DOCK3: variants seen among roughly 807,000 people sequenced by gnomAD.
DOCK3 encodes dedicator of cytokinesis protein 3.
In DOCK3, 60 loss-of-function variants were observed where a neutral mutation model predicts 265.6. The ratio of observed to expected loss-of-function variants is 0.23; its 90% CI spans 0.18 to 0.28. The LOEUF (loss-of-function observed/expected upper bound fraction) is 0.28. DOCK3 is among the 10% of genes least tolerant of loss of function. The probability of loss-of-function intolerance (pLI) is 1.00; values close to 1 mark genes in which losing one functional copy is unlikely to be tolerated. For synonymous variants in DOCK3, 881 were observed against 938.0 expected, an observed-to-expected ratio of 0.94 and a Z score of 1.11; for missense variants, 1,981 against 2,594.3, an observed-to-expected ratio of 0.76 and a Z score of 5.14.
At chr3:51,127,642 G>A (rs1169331659) in intron 9 of DOCK3, among the ~76,000 whole-genome samples, 1 of 152,210 alleles carries the variant, frequency 6.6e-6, no homozygotes, top group African/African-American at 2.4e-5. Context: ...AACAAAAGAA[G>A]GAGGAAATAC....
chr3:50,920,173 C>T lies in DOCK3; in HGVS notation c.219-13808C>T, dbSNP rs542081354. 6.6e-5 allele frequency among the ~76,000 whole-genome samples: 10 copies of T among 152,280 alleles called. No homozygotes were observed. In the South Asian group the frequency reaches 1.9e-3, roughly 28 times the overall value. ...GCCAGTATTTTATTGAGGATTTTTGCATCGATTTTCATCAGGGATATTGGT... is the reference window on the plus strand; with the variant it reads ...GCCAGTATTTTATTGAGGATTTTTGTATCGATTTTCATCAGGGATATTGGT... On this transcript the variant is annotated intron_variant, in intron 4 of 52. Transcript: ENST00000266037.
intron 27 of DOCK3, among the ~76,000 whole-genome samples, chr3:51,297,108 ACT>A (rs1324348106): frequency 1.1e-3 from 98 of 93,176 alleles, no homozygotes; most frequent in African/African-American, 4.4e-3. Context: ...ATAGAGTGAG[ACT>A]CTGTCTCAAA....
intron 12 of DOCK3, among the ~76,000 whole-genome samples, chr3:51,164,623 C>CAA (rs11399207): frequency 0.077 from 8,148 of 105,806 alleles, 815 homozygotes; most frequent in East Asian, 0.3. Context: ...GACTCCGTCT[C>CAA]AAAAAAAAAA....
chr3:50,839,415 G>A (rs1233125585), intron 2 of DOCK3, among the ~76,000 whole-genome samples: 1 of 152,154 alleles, frequency 6.6e-6, no homozygotes, highest in Non-Finnish European at 1.5e-5. Context: ...CTGCCAAACT[G>A]TCTTCCAGAG....
chr3:51,214,602 C>T (rs1240573506), intron 14 of DOCK3, among the ~76,000 whole-genome samples: 1 of 152,164 alleles, frequency 6.6e-6, no homozygotes, highest in Admixed American at 6.5e-5. Context: ...ATAATTGTCT[C>T]ACAAGAACTT....
chr3:51,196,432 GA>G (rs2088298974), intron 12 of DOCK3, among the ~76,000 whole-genome samples: 2 of 152,068 alleles, frequency 1.3e-5, no homozygotes, highest in Admixed American at 1.3e-4. Flanking sequence ...TCTTGTATCT[GA>G]AATGTCTAAA....
chr3:50,752,440 C>T (rs2039880011), intron 1 of DOCK3, among the ~76,000 whole-genome samples: 1 of 150,078 alleles, frequency 6.7e-6, no homozygotes, highest in African/African-American at 2.5e-5. Context: ...ATCCGGGAGG[C>T]GGAGGTTAGA....
intron 7 of DOCK3, among the ~76,000 whole-genome samples, chr3:51,078,759 A>G (rs1575991650): frequency 6.6e-6 from 1 of 152,280 alleles, no homozygotes; most frequent in African/African-American, 2.4e-5. Flanking sequence ...AACAATAATA[A>G]CAATGCTCTT....
intron 9 of DOCK3, among the ~76,000 whole-genome samples, chr3:51,129,709 G>A (rs925658532): frequency 1.3e-5 from 2 of 152,130 alleles, no homozygotes; most frequent in East Asian, 1.9e-4. Flanking sequence ...GCAGAAGATG[G>A]CAGTGCCGTG....
At chr3:51,109,126 A>G (rs987669455) in intron 9 of DOCK3, among the ~76,000 whole-genome samples, 4 of 152,130 alleles carry the variant, frequency 2.6e-5, no homozygotes, top group African/African-American at 7.2e-5. Flanking sequence ...ACCGTTAGAC[A>G]TAAAACAATC....
chr3:51,132,435 G>A (rs1234546750), intron 9 of DOCK3, among the ~76,000 whole-genome samples: 3 of 152,206 alleles, frequency 2.0e-5, no homozygotes, highest in African/African-American at 4.8e-5. Context: ...GCAAACGGGT[G>A]TTGGGGTGGG....
intron 1 of DOCK3, among the ~76,000 whole-genome samples, chr3:50,743,021 G>C (rs1018971393): frequency 2.0e-4 from 30 of 152,314 alleles, no homozygotes; most frequent in African/African-American, 6.5e-4. Context: ...AGCCAGAAGA[G>C]AGTGGAGGCC....
At chr3:50,920,928 CAG>C (rs1215856549) in intron 4 of DOCK3, among the ~76,000 whole-genome samples, 14 of 152,156 alleles carry the variant, frequency 9.2e-5, no homozygotes, top group African/African-American at 3.4e-4. Context: ...GAATGTGTCC[CAG>C]AGATTCTGGT....
At chr3:51,005,040 C>T (rs2078630293) in intron 5 of DOCK3, among the ~76,000 whole-genome samples, 1 of 151,510 alleles carries the variant, frequency 6.6e-6, no homozygotes, top group Admixed American at 6.6e-5. Context: ...ATGAAACATT[C>T]TTCATTTTAA....
Position 50,675,066 on chromosome 3 carries a change from C to G in DOCK3, c.-198C>G, listed in dbSNP as rs1331490436. On this transcript the variant is annotated 5_prime_UTR_variant, in exon 1 of 53. Transcript: ENST00000266037. This position sits in a 1 kb window ranked among gnomAD's most constrained non-coding sequence, Gnocchi z 6.1. ...CGCGCCGCCAGGGGCTGCTGGGCCA[C>G]CCGCGGAGCCTCGCGGTCCAGACGT... 5.2e-6 allele frequency: 1 copy of G among 193,976 alleles called. No individual in the cohort carries two copies. The highest frequency in any genetic ancestry group is 1.8e-4 in the East Asian group (1 of 5,494). 12.0% of individuals were successfully genotyped at this position (193,976 alleles called of 1,614,324 possible). A position where few individuals can be genotyped will look rare whatever the true frequency, so the allele number is the denominator to read the frequency against.
At chr3:50,992,895 A>G (rs952871502) in intron 5 of DOCK3, among the ~76,000 whole-genome samples, 4 of 152,326 alleles carry the variant, frequency 2.6e-5, no homozygotes, top group East Asian at 1.9e-4. Context: ...ATATTAGCCT[A>G]TCGATCAAAA....
intron 4 of DOCK3, among the ~76,000 whole-genome samples, chr3:50,892,964 G>A (rs2048710590): frequency 6.6e-6 from 1 of 152,046 alleles, no homozygotes; most frequent in Non-Finnish European, 1.5e-5. Flanking sequence ...GAAAAGAGAT[G>A]GGCAGCTTAC....
chr3:51,247,238 T>C (rs1185672990), intron 22 of DOCK3, among the ~76,000 whole-genome samples: 2 of 152,244 alleles, frequency 1.3e-5, no homozygotes, highest in Non-Finnish European at 2.9e-5. Flanking sequence ...GTGGATGCAC[T>C]GTATGTGGGT....
chr3:51,155,220 A>C (rs1225467878), intron 10 of DOCK3, among the ~76,000 whole-genome samples: 1 of 151,010 alleles, frequency 6.6e-6, no homozygotes, highest in Non-Finnish European at 1.5e-5. Context: ...CAACCCTCCC[A>C]CCTTGGCCTC....
Sources: gnomAD v4.1 joint callset for allele counts (sites outside exome capture counted in the v4.1 genomes callset) on GRCh38, gnomAD v4.1.1 for gene constraint, Gnocchi (gnomAD v3.1) non-coding constraint, MANE v1.5 for transcripts, NCBI Gene and HGNC (gene_info 2026-07-23, HGNC 2026-07-21) for gene names.